Variants in RBPJ observed in about 807,000 individuals in gnomAD.
RBPJ encodes recombination signal binding protein for immunoglobulin kappa J region.
In RBPJ, 9 loss-of-function variants were observed where a neutral mutation model predicts 67.8. That is an observed-to-expected ratio of 0.13 (90% CI 0.08 to 0.23). The LOEUF (loss-of-function observed/expected upper bound fraction) is 0.23. RBPJ is among the 10% of genes least tolerant of loss of function. RBPJ has a pLI of 1.00. For missense variants in RBPJ, 305 were observed against 595.6 expected, an observed-to-expected ratio of 0.51 and a Z score of 5.08; for synonymous variants, 198 against 203.3, an observed-to-expected ratio of 0.97 and a Z score of 0.22.
chr4:26,269,548 G>T (rs572711719), intron 1 of RBPJ, among the ~76,000 whole-genome samples: 1 of 152,098 alleles, frequency 6.6e-6, no homozygotes, highest in Non-Finnish European at 1.5e-5. Context: ...GAGCCACCTC[G>T]CCAGGCGTCA....
At chr4:26,316,364 C>CAT (rs372696852), upstream of RBPJ, among the ~76,000 whole-genome samples, 1 of 144,674 alleles carries the variant, frequency 6.9e-6, no homozygotes, top group African/African-American at 2.5e-5. Flanking sequence ...TATATACATT[C>CAT]ATATATACAT....
chr4:26,116,083 A>G, the RBPJ span, among the ~76,000 whole-genome samples: 1 of 152,258 alleles, frequency 6.6e-6, no homozygotes, highest in Non-Finnish European at 1.5e-5. Flanking sequence ...GTTCTCATTC[A>G]ATAAAATTGA....
chr4:26,248,448 G>A (rs1390433093), intron 1 of RBPJ, among the ~76,000 whole-genome samples: 1 of 152,080 alleles, frequency 6.6e-6, no homozygotes, highest in East Asian at 1.9e-4. Context: ...GTTCTCATTT[G>A]CTTTTCTTGT....
chr4:26,241,404 A>T (rs565815166), intron 1 of RBPJ, among the ~76,000 whole-genome samples: 1 of 152,300 alleles, frequency 6.6e-6, no homozygotes, highest in South Asian at 2.1e-4. Flanking sequence ...AATTCCAGGC[A>T]AACTCAGAGG....
intron 2 of RBPJ, among the ~76,000 whole-genome samples, chr4:26,400,222 C>A (rs986936000): frequency 6.6e-6 from 1 of 151,960 alleles, no homozygotes; most frequent in Admixed American, 6.6e-5. Flanking sequence ...GGGTTTATCC[C>A]AGTAGTTTTC....
upstream of RBPJ, chr4:26,320,908 A>T: frequency 6.4e-7 from 1 of 1,555,510 alleles, no homozygotes; most frequent in Non-Finnish European, 8.7e-7. Context: ...GGGGAAAGGG[A>T]GCGCGGGGGC....
chr4:26,411,284 G>A (rs979659205), intron 3 of RBPJ, among the ~76,000 whole-genome samples: 1 of 151,096 alleles, frequency 6.6e-6, no homozygotes, highest in African/African-American at 2.4e-5. Context: ...AAATAAAGAT[G>A]TATTTAAGTT....
At chr4:26,209,339 C>T (rs1718283088) in intron 1 of RBPJ, among the ~76,000 whole-genome samples, 1 of 152,044 alleles carries the variant, frequency 6.6e-6, no homozygotes, top group Non-Finnish European at 1.5e-5. Flanking sequence ...GGATTATACC[C>T]AGGTTTGCCT....
intron 1 of RBPJ, among the ~76,000 whole-genome samples, chr4:26,295,245 AGTGTGTGTGTGTGTGT>A (rs71932374): frequency 6.8e-6 from 1 of 147,026 alleles, no homozygotes; most frequent in Non-Finnish European, 1.5e-5. Context: ...AGGGTGCATC[AGTGTGTGTGTGTGTGT>A]GTGTGTGTGG....
At chr4:26,241,149 G>A (rs896467491) in intron 1 of RBPJ, among the ~76,000 whole-genome samples, 1 of 151,076 alleles carries the variant, frequency 6.6e-6, no homozygotes, top group African/African-American at 2.4e-5. Context: ...GTGAGCCAAG[G>A]TCGCACCATT....
chr4:26,132,083 T>TG, the RBPJ span, among the ~76,000 whole-genome samples: 1 of 151,958 alleles, frequency 6.6e-6, no homozygotes, highest in Non-Finnish European at 1.5e-5. Context: ...TGGACATCAG[T>TG]GACGGAAACT....
At chr4:26,249,791 CTT>C (rs1329128596) in intron 1 of RBPJ, among the ~76,000 whole-genome samples, 13 of 128,772 alleles carry the variant, frequency 1.0e-4, no homozygotes, top group African/African-American at 1.2e-4. Flanking sequence ...TTTTTTTTTT[CTT>C]TTTTTTTTTT....
chr4:26,273,549 G>A (rs959359108), intron 1 of RBPJ, among the ~76,000 whole-genome samples: 1 of 152,246 alleles, frequency 6.6e-6, no homozygotes, highest in African/African-American at 2.4e-5. Flanking sequence ...CAGTATCTAT[G>A]TCCGAGGCCA....
intron 1 of RBPJ, among the ~76,000 whole-genome samples, chr4:26,297,910 A>AT (rs1271269421): frequency 1.3e-5 from 2 of 151,222 alleles, no homozygotes; most frequent in East Asian, 1.9e-4. Context: ...TGTTGCCTTA[A>AT]TTTTTTTTTA....
chr4:26,302,052 C>G (rs1047378519), intron 1 of RBPJ, among the ~76,000 whole-genome samples: 1 of 152,190 alleles, frequency 6.6e-6, no homozygotes, highest in African/African-American at 2.4e-5. Context: ...CTCGGCCTCC[C>G]AAAGTGCTGA....
chr4:26,165,079 T>C (rs1396306156), intron 1 of RBPJ, among the ~76,000 whole-genome samples: 1 of 152,150 alleles, frequency 6.6e-6, no homozygotes, highest in Non-Finnish European at 1.5e-5. Context: ...AGTCTTTATG[T>C]TTGTCTATGG....
intron 2 of RBPJ, among the ~76,000 whole-genome samples, chr4:26,398,935 A>G (rs930243893): frequency 2.0e-5 from 3 of 152,124 alleles, no homozygotes; most frequent in South Asian, 2.1e-4. Flanking sequence ...TCTGTGTGTT[A>G]TATACTTCAG....
chr4:26,244,504 T>C (rs947121003), intron 1 of RBPJ, among the ~76,000 whole-genome samples: 2 of 147,028 alleles, frequency 1.4e-5, no homozygotes, highest in Non-Finnish European at 3.0e-5. Context: ...TGTGTGTATA[T>C]ATGTATACAT....
chr4:26,171,402 T>TA (rs1284102580), intron 1 of RBPJ, among the ~76,000 whole-genome samples: 8 of 151,598 alleles, frequency 5.3e-5, no homozygotes, highest in South Asian at 4.2e-4. Flanking sequence ...TCCTGCACAA[T>TA]AAAAAAAAGT....
Sources: gnomAD v4.1 joint callset for allele counts (sites outside exome capture counted in the v4.1 genomes callset) on GRCh38, gnomAD v4.1.1 for gene constraint, MANE v1.5 for transcripts, NCBI Gene and HGNC (gene_info 2026-07-23, HGNC 2026-07-21) for gene names.